The following PHLDB3 variants were observed in gnomAD, a reference collection of about 807,000 sequenced individuals.
The protein encoded by PHLDB3 is pleckstrin homology like domain family B member 3.
A neutral mutation model predicts 85.7 loss-of-function variants in PHLDB3; 86 were observed. The observed-to-expected ratio is 1.00, with a 90% confidence interval of 0.84 to 1.20. The LOEUF (loss-of-function observed/expected upper bound fraction) is 1.20. PHLDB3 is among the 50% of genes most tolerant of loss of function. The pLI is 0.00. For missense variants in PHLDB3, 995 were observed against 873.0 expected, an observed-to-expected ratio of 1.14 and a Z score of -1.76; for synonymous variants, 376 against 349.8, an observed-to-expected ratio of 1.07 and a Z score of -0.83.
chr19:43,485,203 C>T (rs1376533085), intron 13 of PHLDB3, among the ~76,000 whole-genome samples: 1 of 151,258 alleles, frequency 6.6e-6, no homozygotes, highest in Admixed American at 6.6e-5. Context: ...ATATTTCTAT[C>T]GTAAAAAGGT....
chr19:43,504,068 CG>C lies in PHLDB3; in HGVS notation c.50del (p.Pro17ArgfsTer62). On this transcript the variant is annotated frameshift_variant, in exon 2 of 16. Coordinates refer to ENST00000292140, the MANE Select transcript of PHLDB3 (RefSeq NM_198850.4). LOFTEE classifies it high-confidence loss of function. The stretch of plus-strand genomic sequence containing the variant: ...GGGGCTGGACCTCCACGTCGCATTC[CG>C]GGACCAGCGGCGGCGGGGTCCCCTC... The part of the protein sequence containing the change: ...PEEGTPPPLV[P>X]ECDVEVQPQG... The C allele has an allele frequency of 2.5e-6, 4 of 1,613,036 alleles. No individual in the cohort carries two copies. The East Asian group carries it at 8.9e-5, about 36-fold the overall frequency.
intron 4 of PHLDB3, among the ~76,000 whole-genome samples, chr19:43,498,774 A>T (rs1385737128): frequency 3.9e-5 from 6 of 152,182 alleles, no homozygotes; most frequent in African/African-American, 4.8e-5. Flanking sequence ...AAAACAAAAC[A>T]ATCAGGGAGC....
In PHLDB3 at chr19:43,501,009, T is replaced by C. The variant is rs1222082233; in HGVS notation, c.534+725A>G. ...GTCAATGATACACTCTAAACATATG[T>C]ACAGACCATATGATGTCTGGGATTG... On this transcript the variant is annotated intron_variant, in intron 4 of 15. Coordinates refer to ENST00000292140, the MANE Select transcript of PHLDB3 (RefSeq NM_198850.4). Among the ~76,000 whole-genome samples, 4 of 149,976 alleles carry C rather than the reference T, an allele frequency of 2.7e-5. No individual in the cohort carries two copies. The South Asian group carries it at 8.5e-4, about 32-fold the overall frequency.
Position 43,486,867 on chromosome 19 carries a change from G to T in PHLDB3, c.1253C>A (p.Ser418Tyr), listed in dbSNP as rs141588036. 2.8e-4 allele frequency: 433 copies of T among 1,556,660 alleles called. 6 individuals are homozygous for T. In the South Asian group the frequency reaches 4.2e-3, roughly 15 times the overall value. ...TGGCGGGAGAGCTGAGGCCTCCAGGGATTCTAGGGTAGAGGGGACCAGGTT... is the reference window on the plus strand; with the variant it reads ...TGGCGGGAGAGCTGAGGCCTCCAGGTATTCTAGGGTAGAGGGGACCAGGTT... ...PRPLSFHCTE[S>Y]LEASALPPAV... is the part of the protein sequence containing the mutation. Residue 418 changes from serine to tyrosine, a missense_variant, in exon 11 of 16, where the codon TCC (serine) becomes TAC (tyrosine). Coordinates refer to ENST00000292140, the MANE Select transcript of PHLDB3 (RefSeq NM_198850.4).
intron 9 of PHLDB3, among the ~76,000 whole-genome samples, chr19:43,488,317 C>A (rs1350806731): frequency 6.6e-6 from 1 of 151,970 alleles, no homozygotes; most frequent in East Asian, 1.9e-4. Context: ...ATTAGCTGGG[C>A]ATAGTGGCAC....
chr19:43,501,336 A>C (rs946437037), intron 4 of PHLDB3, among the ~76,000 whole-genome samples: 3 of 151,750 alleles, frequency 2.0e-5, no homozygotes, highest in Non-Finnish European at 4.4e-5. Context: ...GGCGCCCGCC[A>C]CCACGCCCTG....
chr19:43,479,631 C>A, intron 13 of PHLDB3, 38 bp from the exon 14 acceptor site: 1 of 1,422,870 alleles, frequency 7.0e-7, no homozygotes, highest in Non-Finnish European at 9.6e-7. Context: ...ATGTAAGGGG[C>A]GGGGGATTCT....
rs1255610765 is a variant in PHLDB3, at chr19:43,487,549, T to C, written c.1150-426A>G. ...GAGATCGCGCCACTGTACTCCAGCCTGGGCGACAGAGCAAGACTCTGTCTC... is the reference window on the plus strand; with the variant it reads ...GAGATCGCGCCACTGTACTCCAGCCCGGGCGACAGAGCAAGACTCTGTCTC... On this transcript the variant is annotated intron_variant, in intron 9 of 15. Coordinates refer to ENST00000292140, the MANE Select transcript of PHLDB3 (RefSeq NM_198850.4). 1.2e-4 allele frequency among the ~76,000 whole-genome samples: 11 copies of C among 93,858 alleles called. No homozygotes were observed. In the East Asian group the frequency reaches 3.3e-3, roughly 28 times the overall value. The allele number at this position is 93,858 out of a possible 152,430, so 61.6% of individuals were successfully genotyped here.
At chr19:43,498,525 A>G (rs1201268650) in intron 4 of PHLDB3, among the ~76,000 whole-genome samples, 1 of 152,192 alleles carries the variant, frequency 6.6e-6, no homozygotes, top group Non-Finnish European at 1.5e-5. Flanking sequence ...AAGAAGAAAG[A>G]AAATTAATGA....
intron 13 of PHLDB3, among the ~76,000 whole-genome samples, chr19:43,483,724 T>C (rs547058692): frequency 7.9e-5 from 12 of 152,204 alleles, no homozygotes; most frequent in Non-Finnish European, 1.8e-4. Context: ...CACAAATAAA[T>C]AGCATTTTCT....
At chr19:43,486,758 C>T (rs750584546) in intron 11 of PHLDB3, 22 bp downstream of exon 11, 3 of 1,609,708 alleles carry the variant, frequency 1.9e-6, no homozygotes, top group Admixed American at 3.4e-5. Context: ...TCCATCTCCC[C>T]ACCTTCTCTC....
intron 4 of PHLDB3, 136 bp downstream of exon 4, chr19:43,501,598 C>G: frequency 1.4e-6 from 2 of 1,439,280 alleles, no homozygotes; most frequent in Non-Finnish European, 1.8e-6. Flanking sequence ...GGGCATCTGC[C>G]CCTCACTCTC....
At position 43,475,349 on chromosome 19, in the gene PHLDB3, GC is replaced by G; in HGVS notation, c.*60del. On this transcript the variant is annotated 3_prime_UTR_variant, in exon 16 of 16. Transcript: ENST00000292140. ...CCGGCAGTGGGCGGGGCCTAGGAAC[GC>G]CCCCGCGCCCCGCGCCGGCGGAGCC... The G allele has an allele frequency of 1.3e-6, 2 of 1,586,876 alleles. No individual in the cohort carries two copies. The highest frequency in any genetic ancestry group is 1.1e-5 in the South Asian group (1 of 88,888).
chr19:43,483,577 C>CT (rs1391652805), intron 13 of PHLDB3, among the ~76,000 whole-genome samples: 3 of 152,140 alleles, frequency 2.0e-5, no homozygotes, highest in African/African-American at 4.8e-5. Flanking sequence ...TGGTGCCTAG[C>CT]TTTATCATTC....
chr19:43,485,891 C>T, intron 13 of PHLDB3: 1 of 879,876 alleles, frequency 1.1e-6, no homozygotes. Context: ...CCAGCATGGA[C>T]TGGGCATGGT....
At chr19:43,495,888 A>C in intron 6 of PHLDB3, 1 of 414,770 alleles carries the variant, frequency 2.4e-6, no homozygotes, top group Non-Finnish European at 4.3e-6. Flanking sequence ...GATGTAGACA[A>C]AGATTCAGGC....
At position 43,494,210 on chromosome 19, in the gene PHLDB3, A is replaced by G. The variant is rs191318349; in HGVS notation, c.1149+492T>C. On this transcript the variant is annotated intron_variant, in intron 9 of 15. Coordinates refer to ENST00000292140, the MANE Select transcript of PHLDB3 (RefSeq NM_198850.4). ...TTTTTAGTAGAGATGGGGTTTCACCATATTGGCCAGGCTGGTCTCGAACTC... is the reference window on the plus strand; with the variant it reads ...TTTTTAGTAGAGATGGGGTTTCACCGTATTGGCCAGGCTGGTCTCGAACTC... Among the ~76,000 whole-genome samples the G allele has an allele frequency of 4.2e-3, 637 of 152,120 alleles. 2 individuals are homozygous for G. Among genetic ancestry groups the G allele is most frequent in the African/African-American group, 0.014 (577 of 41,480 alleles).
Position 43,475,274 on chromosome 19 carries a change from C to A in PHLDB3, c.*136G>T, listed in dbSNP as rs1471067791. The A allele has an allele frequency of 1.4e-5, 18 of 1,257,748 alleles. No homozygotes were observed. Among genetic ancestry groups the A allele is most frequent in the Non-Finnish European group, 1.9e-5 (18 of 927,332 alleles). 77.9% of individuals were successfully genotyped at this position (1,257,748 alleles called of 1,614,324 possible). On this transcript the variant is annotated 3_prime_UTR_variant, in exon 16 of 16. Transcript: ENST00000292140. ...CAGCAGCTCAGGCCAGCTGAACTGCCGCGCCTGCGGAATTCCCGGGAGAGT... is the reference window on the plus strand; with the variant it reads ...CAGCAGCTCAGGCCAGCTGAACTGCAGCGCCTGCGGAATTCCCGGGAGAGT...
chr19:43,479,381 A>G lies in PHLDB3; in HGVS notation c.1698T>C (p.Tyr566=), dbSNP rs1344296586. ...TGGTGGCCAGGCTGGGCTTACCCGC[A>G]TAGTAGGCCAAGCGGCGGGCTTGGC... ...FDRQARRLAY[Y]ADKEETKLKG... The change falls in exon 14 of 16, where the codon TAT becomes TAC. Residue 566 remains tyrosine, a synonymous_variant. Transcript: ENST00000292140. 4 of 1,561,426 alleles carry G rather than the reference A, an allele frequency of 2.6e-6. No individual in the cohort carries two copies. The highest frequency in any genetic ancestry group is 2.4e-5 in the East Asian group (1 of 41,444).
Sources: allele counts gnomAD v4.1 joint callset (sites outside exome capture counted in the v4.1 genomes callset), GRCh38; gene constraint gnomAD v4.1.1; transcripts MANE v1.5; gene names NCBI Gene and HGNC (gene_info 2026-07-23, HGNC 2026-07-21).